The following NCAPD3 variants were observed in gnomAD, a reference collection of about 807,000 sequenced individuals.
NCAPD3 encodes non-SMC condensin II complex subunit D3.
A neutral mutation model predicts 182.9 loss-of-function variants in NCAPD3; 105 were observed. That is an observed-to-expected ratio of 0.57 (90% CI 0.49 to 0.68). The LOEUF is 0.68. Among genes scored for constraint, NCAPD3 ranks in the 30% least tolerant of loss-of-function variants. NCAPD3 has a pLI of 0.00. For synonymous variants in NCAPD3, 815 were observed against 679.9 expected (o/e 1.20, Z -3.09); for missense variants, 1,944 against 1,837.0 (o/e 1.06, Z -1.07).
chr11:134,169,888 A>C (rs1389205051), intron 24 of NCAPD3, among the ~76,000 whole-genome samples: 1 of 152,222 alleles, frequency 6.6e-6, no homozygotes, highest in East Asian at 1.9e-4. Flanking sequence ...CCAGTGTTTT[A>C]ATTTAATATC....
At chr11:134,197,222 G>A (rs991754417) in intron 13 of NCAPD3, among the ~76,000 whole-genome samples, 50 of 149,014 alleles carry the variant, frequency 3.4e-4, no homozygotes, top group African/African-American at 5.2e-4. Context: ...ACAGCCTGCA[G>A]AACCATGAAC....
At chr11:134,200,871 TTATAAC>T (rs1944732744) in intron 13 of NCAPD3, among the ~76,000 whole-genome samples, 1 of 152,168 alleles carries the variant, frequency 6.6e-6, no homozygotes, top group Admixed American at 6.5e-5. Context: ...TGGTGTATCC[TTATAAC>T]TGACTATTAC....
intron 13 of NCAPD3, among the ~76,000 whole-genome samples, chr11:134,196,662 A>G (rs1429105907): frequency 1.3e-5 from 2 of 150,694 alleles, no homozygotes; most frequent in South Asian, 4.2e-4. Flanking sequence ...AAAAAAAAAA[A>G]GAAAAGAAAA....
chr11:134,163,720 A>T (rs1238249736), intron 27 of NCAPD3, among the ~76,000 whole-genome samples: 3 of 147,968 alleles, frequency 2.0e-5, no homozygotes, highest in Non-Finnish European at 4.5e-5. Flanking sequence ...AAAAAAAAAA[A>T]AGTTAGCCAG....
At position 134,206,615 on chromosome 11, in the gene NCAPD3, C is replaced by T. The variant is rs140427183; in HGVS notation, c.1000G>A (p.Ala334Thr). Residue 334 changes from alanine (A) to threonine (T), a missense_variant, in exon 8 of 35, where the codon GCG becomes ACG. By Grantham distance (58) the Ala-to-Thr change is moderately conservative (BLOSUM62 0). Coordinates refer to ENST00000534548, the MANE Select transcript of NCAPD3 (RefSeq NM_015261.3). ...TSQVINCRNQAVQFISALVDE... is the reference protein window; with the variant it reads ...TSQVINCRNQTVQFISALVDE... The stretch of plus-strand genomic sequence containing the variant: ...GTGCTTCACCTGATAAACTGGACCG[C>T]CTGGTTTCTACAGTTGATGACTTGG... The T allele has an allele frequency of 8.3e-5, 134 of 1,613,284 alleles. No individual in the cohort carries two copies. The African/African-American group carries it at 1.7e-3, about 20-fold the overall frequency.
At chr11:134,164,079 T>C (rs149829159) in intron 27 of NCAPD3, among the ~76,000 whole-genome samples, 1 of 152,226 alleles carries the variant, frequency 6.6e-6, no homozygotes, top group East Asian at 1.9e-4. Flanking sequence ...TCAGAGTCTA[T>C]ATCCTTGGAG....
At chr11:134,178,279 T>C (rs1320363847) in intron 22 of NCAPD3, among the ~76,000 whole-genome samples, 1 of 152,172 alleles carries the variant, frequency 6.6e-6, no homozygotes, top group African/African-American at 2.4e-5. Context: ...GGCTGCATTA[T>C]GAATATTAAA....
intron 24 of NCAPD3, among the ~76,000 whole-genome samples, chr11:134,174,456 C>T (rs1277591764): frequency 1.3e-5 from 2 of 149,392 alleles, no homozygotes; most frequent in Non-Finnish European, 3.0e-5. Context: ...TAGCCTTTGG[C>T]CTAAAAATCA....
chr11:134,197,280 T>C (rs1458016342), intron 13 of NCAPD3, among the ~76,000 whole-genome samples: 1 of 148,206 alleles, frequency 6.7e-6, no homozygotes, highest in Admixed American at 6.7e-5. Flanking sequence ...CATCTTTTTT[T>C]TTTTTTTTTT....
Position 134,185,014 on chromosome 11 carries a change from A to C in NCAPD3, c.2238-14T>G. 1 of 1,580,548 alleles carries C rather than the reference A, an allele frequency of 6.3e-7. No homozygotes were observed. The highest frequency in any genetic ancestry group is 1.7e-5 in the Admixed American group (1 of 59,974). On this transcript the variant is annotated splice_polypyrimidine_tract_variant and intron_variant, in intron 17 of 34. Coordinates refer to ENST00000534548, the MANE Select transcript of NCAPD3 (RefSeq NM_015261.3). Reference sequence around the variant, plus strand: ...GGATTCTGCTGACTAGAGAAAGGGCAGGAGGAATATGAAGGGAGAAGCAAG... The same window carrying C: ...GGATTCTGCTGACTAGAGAAAGGGCCGGAGGAATATGAAGGGAGAAGCAAG...
In NCAPD3 at chr11:134,159,931, G is replaced by A. The variant is rs145342716; in HGVS notation, c.3828C>T (p.Ala1276=). The A allele has an allele frequency of 1.8e-4, 290 of 1,613,590 alleles. No individual in the cohort carries two copies. The highest frequency in any genetic ancestry group is 6.7e-4 in the Admixed American group (40 of 59,986). The change falls in exon 29 of 35, where the codon GCC becomes GCT. Residue 1276 remains alanine (A), a synonymous_variant. Transcript: ENST00000534548. ...EQELAKHADV[A]GTAGGAEVAP... is the part of the protein sequence containing the mutation. ...CCACCTCAGCACCTCCAGCCGTCCC[G>A]GCCACATCTGCATGTTTTGCTAGCT... is the stretch of plus-strand genomic sequence containing the variant.
At position 134,172,182 on chromosome 11, in the gene NCAPD3, G is replaced by A. The variant is rs117063783; in HGVS notation, c.3102-3128C>T. Among the ~76,000 whole-genome samples, 1,102 of 152,226 alleles carry A rather than the reference G, an allele frequency of 7.2e-3. 6 individuals are homozygous for A. The highest frequency in any genetic ancestry group is 0.012 in the Admixed American group (176 of 15,294). On this transcript the variant is annotated intron_variant, in intron 24 of 34. Transcript: ENST00000534548. ...GGTGCTCCCACCATCTGCCTCTTGC[G>A]CTCTCTGCTACCTGGTTCCCAGTTT...
chr11:134,153,550 T>G (rs1847413893), intron 32 of NCAPD3, 187 bp from the exon 33 acceptor site: 1 of 639,016 alleles, frequency 1.6e-6, no homozygotes, highest in Admixed American at 2.5e-5. Context: ...CTCCTTTCCG[T>G]CTCTCTGACC....
chr11:134,160,864 CTG>C (rs1289275914), intron 28 of NCAPD3, among the ~76,000 whole-genome samples: 1 of 151,938 alleles, frequency 6.6e-6, no homozygotes, highest in Non-Finnish European at 1.5e-5. Context: ...TGTGGCCATC[CTG>C]TGTGTGTGCT....
chr11:134,167,253 ATG>A (rs1486512416), intron 27 of NCAPD3, among the ~76,000 whole-genome samples: 5 of 123,960 alleles, frequency 4.0e-5, no homozygotes, highest in African/African-American at 6.3e-5. Context: ...CACTCGTGAG[ATG>A]AGCTTAGGGG....
intron 24 of NCAPD3, among the ~76,000 whole-genome samples, chr11:134,170,030 T>C (rs1565529391): frequency 6.6e-6 from 1 of 152,150 alleles, no homozygotes; most frequent in Non-Finnish European, 1.5e-5. Flanking sequence ...GAGACTGACT[T>C]CTCCTTTCCC....
chr11:134,169,960 C>A (rs1222239109), intron 24 of NCAPD3, among the ~76,000 whole-genome samples: 1 of 152,188 alleles, frequency 6.6e-6, no homozygotes, highest in Non-Finnish European at 1.5e-5. Context: ...GGGAGAGGAG[C>A]AGTGTCAAAG....
At position 134,166,705 on chromosome 11, in the gene NCAPD3, G is replaced by A. The variant is rs149781777; in HGVS notation, c.3573+1291C>T. ...GGGAGGGGCACACTGAGTGAGATGA[G>A]CTTAGGGAGAGCAGCACACTCACTT... On this transcript the variant is annotated intron_variant, in intron 27 of 34. Transcript: ENST00000534548. Among the ~76,000 whole-genome samples the A allele has an allele frequency of 4.3e-3, 520 of 121,444 alleles. 4 individuals are homozygous for A. The highest frequency in any genetic ancestry group is 0.017 in the African/African-American group (481 of 29,122). The allele number at this position is 121,444 out of a possible 152,430, so 79.7% of individuals were successfully genotyped here.
At chr11:134,154,618 C>T (rs1182009196) in intron 32 of NCAPD3, among the ~76,000 whole-genome samples, 1 of 151,328 alleles carries the variant, frequency 6.6e-6, no homozygotes, top group Non-Finnish European at 1.5e-5. Flanking sequence ...GGTGCAGCCT[C>T]GCCCCTCCTG....
Sources: allele counts gnomAD v4.1 joint callset (sites outside exome capture counted in the v4.1 genomes callset), GRCh38; gene constraint gnomAD v4.1.1; transcripts MANE v1.5; gene names NCBI Gene and HGNC (gene_info 2026-07-23, HGNC 2026-07-21).